The following MIPEP variants were observed in gnomAD, a reference collection of about 807,000 sequenced individuals.
The protein encoded by MIPEP is mitochondrial intermediate peptidase.
In MIPEP, 79 loss-of-function variants were observed where a neutral mutation model predicts 90.3. The observed-to-expected ratio is 0.87, with a 90% CI of 0.73 to 1.05. MIPEP has a LOEUF of 1.05. Among genes scored for constraint, MIPEP ranks in the 50% least tolerant of loss-of-function variants. The pLI, the probability that MIPEP is intolerant of heterozygous loss-of-function variation, is 0.00. For missense variants in MIPEP, 940 were observed against 905.6 expected, an observed-to-expected ratio of 1.04 and a Z score of -0.49; for synonymous variants, 334 against 315.8, an observed-to-expected ratio of 1.06 and a Z score of -0.61.
In MIPEP at chr13:23,844,068, A is replaced by T. The variant is rs532294099; in HGVS notation, c.1107-2580T>A. ...TGGAGGAACCGACTGTGAAGTGCCC[A>T]TGAGATACCAGACACTCAGGACCCA... is the stretch of plus-strand genomic sequence containing the variant. On this transcript the variant is annotated intron_variant, in intron 10 of 18. Coordinates refer to ENST00000382172, the MANE Select transcript of MIPEP (RefSeq NM_005932.4). Among the ~76,000 whole-genome samples the T allele has an allele frequency of 6.6e-5, 10 of 152,282 alleles. No homozygotes were observed. In the South Asian group the frequency reaches 2.1e-3, roughly 32 times the overall value.
intron 18 of MIPEP, among the ~76,000 whole-genome samples, chr13:23,749,421 T>C (rs776288402): frequency 3.3e-5 from 5 of 152,228 alleles, no homozygotes; most frequent in Middle Eastern, 3.2e-3. Flanking sequence ...CATCAAACTT[T>C]CAAGTGGACT....
At chr13:23,871,485 C>T (rs1355200668) in intron 5 of MIPEP, among the ~76,000 whole-genome samples, 1 of 152,000 alleles carries the variant, frequency 6.6e-6, no homozygotes, top group African/African-American at 2.4e-5. Context: ...TACTGGTTAC[C>T]AAAAAACTAG....
At chr13:23,761,995 C>G (rs545098650) in intron 16 of MIPEP, among the ~76,000 whole-genome samples, 1 of 152,066 alleles carries the variant, frequency 6.6e-6, no homozygotes, top group Non-Finnish European at 1.5e-5. Context: ...CGTGGCGGCA[C>G]AAGTCTGTAA....
intron 18 of MIPEP, among the ~76,000 whole-genome samples, chr13:23,754,668 T>C (rs1952473414): frequency 1.3e-5 from 2 of 152,158 alleles, no homozygotes; most frequent in South Asian, 2.1e-4. Flanking sequence ...CTTTTGATGG[T>C]ATCTCCTATC....
chr13:23,765,363 G>C (rs1366625051), intron 16 of MIPEP, among the ~76,000 whole-genome samples: 2 of 152,206 alleles, frequency 1.3e-5, no homozygotes, highest in Admixed American at 6.5e-5. Flanking sequence ...TATTTTGAGA[G>C]AGGGAGACAC....
At chr13:23,763,875 G>A (rs1274741108) in intron 16 of MIPEP, among the ~76,000 whole-genome samples, 3 of 152,172 alleles carry the variant, frequency 2.0e-5, no homozygotes, top group Non-Finnish European at 4.4e-5. Context: ...AGGTTTGCAA[G>A]TCTGTGGCTA....
chr13:23,779,042 G>A (rs910154384), intron 16 of MIPEP, among the ~76,000 whole-genome samples: 37 of 152,090 alleles, frequency 2.4e-4, no homozygotes, highest in African/African-American at 8.9e-4. Context: ...ATTTGAATAT[G>A]CCCACTCTTT....
intron 14 of MIPEP, among the ~76,000 whole-genome samples, chr13:23,811,983 T>C (rs1456426051): frequency 2.0e-5 from 3 of 152,194 alleles, no homozygotes; most frequent in Admixed American, 6.5e-5. Context: ...CTGTTCTCGG[T>C]GCATTAGCTT....
At chr13:23,884,144 C>T (rs986954141) in intron 2 of MIPEP, among the ~76,000 whole-genome samples, 2 of 151,160 alleles carry the variant, frequency 1.3e-5, no homozygotes, top group Non-Finnish European at 2.9e-5. Context: ...TACAGGATTC[C>T]ACCTATGTGA....
intron 16 of MIPEP, among the ~76,000 whole-genome samples, chr13:23,789,005 G>A (rs1462115812): frequency 6.6e-6 from 1 of 152,112 alleles, no homozygotes; most frequent in Admixed American, 6.5e-5. Flanking sequence ...ACATGGTCTC[G>A]TCATGTTGCC....
intron 1 of MIPEP, chr13:23,888,923 C>T: frequency 1.9e-6 from 1 of 526,330 alleles, no homozygotes; most frequent in Non-Finnish European, 2.9e-6. Flanking sequence ...GGACCCGACA[C>T]TCTGGGTAGG....
At chr13:23,753,783 C>A (rs1952464973) in intron 18 of MIPEP, among the ~76,000 whole-genome samples, 1 of 152,178 alleles carries the variant, frequency 6.6e-6, no homozygotes, top group Admixed American at 6.5e-5. Flanking sequence ...ATGACTCATT[C>A]TGAAAAAGAC....
intron 15 of MIPEP, among the ~76,000 whole-genome samples, chr13:23,806,905 T>C (rs750804329): frequency 2.0e-5 from 3 of 151,816 alleles, no homozygotes; most frequent in Non-Finnish European, 1.5e-5. Flanking sequence ...TGATAAAAGG[T>C]GAAAGAAAAT....
chr13:23,858,328 A>G (rs9318086), intron 10 of MIPEP, among the ~76,000 whole-genome samples: 84,168 of 151,788 alleles, frequency 0.55, 23,515 homozygotes, highest in South Asian at 0.72. Flanking sequence ...ACTTCTGTCA[A>G]CTTAAGTTCC....
intron 14 of MIPEP, among the ~76,000 whole-genome samples, chr13:23,813,018 TTTGA>T (rs1165672740): frequency 3.9e-5 from 6 of 152,184 alleles, no homozygotes; most frequent in African/African-American, 1.2e-4. Flanking sequence ...AAAAAACTAG[TTTGA>T]TTGTTAGTCA....
At chr13:23,846,893 T>TAAG (rs1869569650) in intron 10 of MIPEP, among the ~76,000 whole-genome samples, 1 of 152,218 alleles carries the variant, frequency 6.6e-6, no homozygotes, top group Non-Finnish European at 1.5e-5. Context: ...GACAGTGGGC[T>TAAG]AAGCCCTTTA....
At chr13:23,743,416 G>C (rs1952352059) in intron 18 of MIPEP, among the ~76,000 whole-genome samples, 1 of 152,208 alleles carries the variant, frequency 6.6e-6, no homozygotes. Context: ...CACACCCTTT[G>C]CTAAAGGTGG....
Position 23,803,839 on chromosome 13 carries a change from T to C in MIPEP, c.1848+2111A>G, listed in dbSNP as rs565969726. ...AGGAAGAGTAGGCTATCTGTACAAA[T>C]CTAAACAAACTCTCAGACACTTTTT... On this transcript the variant is annotated intron_variant, in intron 16 of 18. Transcript: ENST00000382172. 1.9e-4 allele frequency among the ~76,000 whole-genome samples: 29 copies of C among 152,280 alleles called. No homozygotes were observed. The South Asian group carries it at 5.0e-3, about 26-fold the overall frequency.
rs750217160 is a variant in MIPEP, at chr13:23,760,138, G to C, written c.1928C>G (p.Ser643Cys). 3.7e-6 allele frequency: 6 copies of C among 1,614,138 alleles called. No homozygotes were observed. The Admixed American group carries it at 6.7e-5, about 18-fold the overall frequency. ...TAGAAAACACTCCTTCCAAACCATGGAGGCGACCGCTCTGGACATGAGGTA... is the reference window on the plus strand; with the variant it reads ...TAGAAAACACTCCTTCCAAACCATGCAGGCGACCGCTCTGGACATGAGGTA... ...YSYLMSRAVA[S>C]MVWKECFLQD... is the part of the protein sequence containing the mutation. Residue 643 changes from serine (S) to cysteine (C), a missense_variant, in exon 17 of 19, where the codon TCC becomes TGC. Physicochemically the swap from Ser to Cys is moderately radical, Grantham distance 112. Transcript: ENST00000382172.
Sources: gnomAD v4.1 joint callset for allele counts (sites outside exome capture counted in the v4.1 genomes callset) on GRCh38, gnomAD v4.1.1 for gene constraint, MANE v1.5 for transcripts, NCBI Gene and HGNC (gene_info 2026-07-23, HGNC 2026-07-21) for gene names.